The following MDGA2 variants were observed in gnomAD, a reference collection of about 807,000 sequenced individuals.
MDGA2 encodes the protein MAM domain containing glycosylphosphatidylinositol anchor 2.
MDGA2 carries 40 observed loss-of-function variants against 117.8 expected under a neutral mutation model. That is an observed-to-expected ratio of 0.34 (90% CI 0.26 to 0.44). MDGA2 has a LOEUF of 0.44. Among genes scored for constraint, MDGA2 ranks in the 20% least tolerant of loss-of-function variants. MDGA2 has a pLI of 1.00. For synonymous variants in MDGA2, 452 were observed against 439.0 expected, an observed-to-expected ratio of 1.03 and a Z score of -0.37; for missense variants, 1,123 against 1,250.6, an observed-to-expected ratio of 0.90 and a Z score of 1.54.
At chr14:46,972,582 T>TA (rs998945615) in intron 8 of MDGA2, among the ~76,000 whole-genome samples, 4 of 152,254 alleles carry the variant, frequency 2.6e-5, no homozygotes, top group Admixed American at 2.6e-4. Flanking sequence ...TCTGAGAAGT[T>TA]ACATTTTCAA....
At chr14:47,008,432 T>C (rs1887785937) in intron 8 of MDGA2, among the ~76,000 whole-genome samples, 1 of 151,914 alleles carries the variant, frequency 6.6e-6, no homozygotes, top group Non-Finnish European at 1.5e-5. Context: ...AAACCAAATA[T>C]TCCCTGGACC....
intron 14 of MDGA2, among the ~76,000 whole-genome samples, chr14:46,861,030 A>G (rs553406353): frequency 6.6e-6 from 1 of 151,922 alleles, no homozygotes; most frequent in Non-Finnish European, 1.5e-5. Flanking sequence ...GAATAATAAG[A>G]AGTAATCCTT....
chr14:47,614,115 C>A (rs1161167611), intron 1 of MDGA2, among the ~76,000 whole-genome samples: 15 of 106,992 alleles, frequency 1.4e-4, no homozygotes, highest in Middle Eastern at 6.2e-3. Context: ...TTTTTTTTGA[C>A]AGTGTCTCAA....
At chr14:47,143,778 A>G (rs1882822326) in intron 4 of MDGA2, among the ~76,000 whole-genome samples, 1 of 152,164 alleles carries the variant, frequency 6.6e-6, no homozygotes, top group Non-Finnish European at 1.5e-5. Flanking sequence ...CAAATCAGCT[A>G]GCAAAATGTA....
At chr14:46,960,750 AT>A (rs1555338570) in intron 8 of MDGA2, among the ~76,000 whole-genome samples, 1 of 148,208 alleles carries the variant, frequency 6.7e-6, no homozygotes, top group Non-Finnish European at 1.5e-5. Flanking sequence ...ATATGTGTAT[AT>A]GCACACATAT....
At chr14:47,286,375 A>G (rs34611126) in intron 2 of MDGA2, among the ~76,000 whole-genome samples, 55,275 of 151,590 alleles carry the variant, frequency 0.36, 10,268 homozygotes, top group South Asian at 0.56. Context: ...TCTTTATCCC[A>G]CCTTCCCTAT....
At chr14:47,070,637 G>C (rs967076294) in intron 6 of MDGA2, among the ~76,000 whole-genome samples, 1 of 151,672 alleles carries the variant, frequency 6.6e-6, no homozygotes, top group African/African-American at 2.4e-5. Context: ...ACATAGTCTC[G>C]TTCTGTCACC....
chr14:47,043,253 G>A (rs1889141290), intron 7 of MDGA2, among the ~76,000 whole-genome samples: 1 of 151,970 alleles, frequency 6.6e-6, no homozygotes, highest in Admixed American at 6.6e-5. Flanking sequence ...ATCATGATAG[G>A]CAACACACGG....
At chr14:47,528,343 G>C (rs1013894197) in intron 1 of MDGA2, among the ~76,000 whole-genome samples, 1 of 152,190 alleles carries the variant, frequency 6.6e-6, no homozygotes, top group African/African-American at 2.4e-5. Context: ...AACAAACTCT[G>C]TTCTGCCCTC....
At chr14:47,476,450 G>T (rs1893839868) in intron 1 of MDGA2, among the ~76,000 whole-genome samples, 1 of 151,270 alleles carries the variant, frequency 6.6e-6, no homozygotes, top group Non-Finnish European at 1.5e-5. Context: ...TTAAGGAAAT[G>T]AATATATTTG....
At chr14:46,911,362 T>A (rs1003724955) in intron 10 of MDGA2, among the ~76,000 whole-genome samples, 1 of 152,210 alleles carries the variant, frequency 6.6e-6, no homozygotes, top group East Asian at 1.9e-4. Flanking sequence ...TACTGAGTAG[T>A]TGTACAGCAG....
intron 8 of MDGA2, among the ~76,000 whole-genome samples, chr14:47,015,618 G>C (rs970273099): frequency 6.6e-6 from 1 of 151,974 alleles, no homozygotes; most frequent in Non-Finnish European, 1.5e-5. Context: ...AATAATCCAA[G>C]GCTAAAGGAT....
At chr14:47,298,688 T>TTC (rs1566726986) in intron 2 of MDGA2, among the ~76,000 whole-genome samples, 1 of 146,970 alleles carries the variant, frequency 6.8e-6, no homozygotes, top group Non-Finnish European at 1.5e-5. Flanking sequence ...TTTTTCTTTT[T>TTC]TTTTTTTTTT....
chr14:47,627,399 C>T (rs1363367999), intron 1 of MDGA2, among the ~76,000 whole-genome samples: 1 of 151,688 alleles, frequency 6.6e-6, no homozygotes, highest in Non-Finnish European at 1.5e-5. Context: ...ACCTTTATGT[C>T]CAGCTAAGGG....
chr14:47,443,460 G>A (rs1185035992), intron 1 of MDGA2, among the ~76,000 whole-genome samples: 1 of 151,968 alleles, frequency 6.6e-6, no homozygotes, highest in Non-Finnish European at 1.5e-5. Flanking sequence ...AAACAGATGA[G>A]AAATGGTAAT....
At chr14:47,072,103 G>GT (rs201943918) in intron 6 of MDGA2, among the ~76,000 whole-genome samples, 10,459 of 129,182 alleles carry the variant, frequency 0.081, 1,112 homozygotes, top group Admixed American at 0.13. Flanking sequence ...TTGTTGTTTG[G>GT]GGGGGGGGGG....
chr14:47,060,832 CTT>C (rs1889856175), intron 7 of MDGA2, among the ~76,000 whole-genome samples: 1 of 151,944 alleles, frequency 6.6e-6, no homozygotes, highest in Admixed American at 6.6e-5. Flanking sequence ...TTTGAACACT[CTT>C]AAATTATCTC....
chr14:47,033,222 C>T (rs1888724591), intron 8 of MDGA2, among the ~76,000 whole-genome samples: 1 of 152,164 alleles, frequency 6.6e-6, no homozygotes, highest in Non-Finnish European at 1.5e-5. Context: ...TTTAGTTAAT[C>T]AATAGAATTC....
At chr14:47,076,824 C>T (rs997175490) in intron 6 of MDGA2, among the ~76,000 whole-genome samples, 1 of 151,956 alleles carries the variant, frequency 6.6e-6, no homozygotes, top group Non-Finnish European at 1.5e-5. Flanking sequence ...GGCAATGGTG[C>T]AATACATTAG....
Sources: allele counts gnomAD v4.1 joint callset (sites outside exome capture counted in the v4.1 genomes callset), GRCh38; gene constraint gnomAD v4.1.1; transcripts MANE v1.5; gene names NCBI Gene and HGNC (gene_info 2026-07-23, HGNC 2026-07-21).